TTC39B: variants seen among roughly 807,000 people sequenced by gnomAD.
The protein encoded by TTC39B is tetratricopeptide repeat protein 39B.
A neutral mutation model predicts 96.6 loss-of-function variants in TTC39B; 92 were observed. The ratio of observed to expected loss-of-function variants is 0.95; its 90% CI spans 0.80 to 1.13. The LOEUF (loss-of-function observed/expected upper bound fraction) is 1.13. TTC39B is among the 50% of genes most tolerant of loss of function. The probability of loss-of-function intolerance (pLI) is 0.00; values close to 1 mark genes in which losing one functional copy is unlikely to be tolerated. For missense variants in TTC39B, 955 were observed against 809.3 expected (o/e 1.18, Z -2.18); for synonymous variants, 367 against 299.4 (o/e 1.23, Z -2.33).
chr9:15,202,064 C>T (rs1203120802), intron 7 of TTC39B, among the ~76,000 whole-genome samples: 1 of 152,144 alleles, frequency 6.6e-6, no homozygotes, highest in Admixed American at 6.5e-5. Context: ...CGGAGCTGCA[C>T]AATCTTTAAA....
intron 7 of TTC39B, among the ~76,000 whole-genome samples, chr9:15,202,086 G>A (rs1447776920): frequency 3.3e-5 from 5 of 152,210 alleles, no homozygotes; most frequent in African/African-American, 7.2e-5. Context: ...GGCTAAAGCA[G>A]CATGAATATA....
chr9:15,231,372 T>A (rs1441318488), intron 2 of TTC39B, among the ~76,000 whole-genome samples: 2 of 152,202 alleles, frequency 1.3e-5, no homozygotes, highest in Non-Finnish European at 2.9e-5. Context: ...CTTAACAGCT[T>A]GGCCAATACT....
chr9:15,252,167 A>T (rs942062282), intron 2 of TTC39B, among the ~76,000 whole-genome samples: 1 of 152,178 alleles, frequency 6.6e-6, no homozygotes, highest in Non-Finnish European at 1.5e-5. Context: ...AGTAAAGTAC[A>T]TTTCACACCT....
chr9:15,238,756 C>T (rs193035720), intron 2 of TTC39B, among the ~76,000 whole-genome samples: 38 of 152,188 alleles, frequency 2.5e-4, no homozygotes, highest in Middle Eastern at 3.4e-3. Flanking sequence ...GAGGCTGAGA[C>T]GGGCTGATCA....
chr9:15,167,001 TATATATATATATATATATATA>T (rs1319655519), exon 20 of TTC39B: 1,041 of 10,672 alleles, frequency 0.098, 138 homozygotes, highest in South Asian at 0.13. Flanking sequence ...TATATATATA[TATATATATATATATATATATA>T]TATATATTTT....
intron 1 of TTC39B, among the ~76,000 whole-genome samples, chr9:15,302,429 A>G (rs1043603137): frequency 6.7e-6 from 1 of 149,000 alleles, no homozygotes; most frequent in Non-Finnish European, 1.5e-5. Context: ...AGCCTGGCCA[A>G]TATGGTGAAA....
At chr9:15,256,498 A>C (rs1443458657) in intron 2 of TTC39B, among the ~76,000 whole-genome samples, 2 of 152,236 alleles carry the variant, frequency 1.3e-5, no homozygotes, top group Non-Finnish European at 2.9e-5. Flanking sequence ...TGCCAAGTAC[A>C]CCATGACAAG....
intron 2 of TTC39B, among the ~76,000 whole-genome samples, chr9:15,226,224 A>G (rs532366398): frequency 6.6e-6 from 1 of 152,338 alleles, no homozygotes; most frequent in South Asian, 2.1e-4. Context: ...TTTTCATTCT[A>G]GTACACAAAA....
intron 3 of TTC39B, among the ~76,000 whole-genome samples, chr9:15,221,047 G>C (rs867914436): frequency 2.0e-5 from 3 of 152,176 alleles, no homozygotes; most frequent in Non-Finnish European, 2.9e-5. Context: ...GGTGATGACC[G>C]CATAGCTAGG....
chr9:15,203,900 A>G lies in TTC39B; in HGVS notation c.692-10T>C. 6.2e-7 allele frequency: 1 copy of G among 1,610,586 alleles called. No homozygotes were observed. Among genetic ancestry groups the G allele is most frequent in the Non-Finnish European group, 8.5e-7 (1 of 1,178,192 alleles). On this transcript the variant is annotated splice_polypyrimidine_tract_variant and intron_variant, in intron 6 of 19. Transcript: ENST00000512701. ...TCAGCATGCATTTCCTCTACAAAAA[A>G]CAAATAAAATTATATTAAGTAAAAT...
At chr9:15,184,738 G>A (rs1447808238) in intron 16 of TTC39B, among the ~76,000 whole-genome samples, 3 of 152,186 alleles carry the variant, frequency 2.0e-5, no homozygotes, top group Non-Finnish European at 2.9e-5. Context: ...TCCTCTAAGT[G>A]TAAAAGACAC....
At chr9:15,231,858 T>C (rs995765912) in intron 2 of TTC39B, among the ~76,000 whole-genome samples, 2 of 152,058 alleles carry the variant, frequency 1.3e-5, no homozygotes, top group Admixed American at 1.3e-4. Flanking sequence ...TGAGTGTAGA[T>C]AGGCCAACTG....
chr9:15,208,466 A>G (rs934561475), intron 6 of TTC39B, among the ~76,000 whole-genome samples: 9 of 152,312 alleles, frequency 5.9e-5, no homozygotes, highest in Admixed American at 2.0e-4. Flanking sequence ...GGGAAACCAT[A>G]GAGAGAGTAA....
intron 2 of TTC39B, among the ~76,000 whole-genome samples, chr9:15,244,247 C>A (rs1822173845): frequency 6.6e-6 from 1 of 152,210 alleles, no homozygotes; most frequent in Non-Finnish European, 1.5e-5. Context: ...TCTCTTATTT[C>A]TGACTGAAAA....
chr9:15,235,099 C>A (rs1308429871), intron 2 of TTC39B, among the ~76,000 whole-genome samples: 1 of 151,774 alleles, frequency 6.6e-6, no homozygotes, highest in African/African-American at 2.4e-5. Flanking sequence ...ATGAAAAATT[C>A]ACTTAAGAAA....
At chr9:15,202,438 G>A (rs1276659087) in intron 7 of TTC39B, among the ~76,000 whole-genome samples, 2 of 152,128 alleles carry the variant, frequency 1.3e-5, no homozygotes, top group African/African-American at 4.8e-5. Flanking sequence ...GTGGCTGGGC[G>A]CAGTGGCTCA....
At chr9:15,237,327 A>G (rs1821829351) in intron 2 of TTC39B, among the ~76,000 whole-genome samples, 1 of 152,318 alleles carries the variant, frequency 6.6e-6, no homozygotes, top group South Asian at 2.1e-4. Flanking sequence ...AAAAGAAAAG[A>G]ATAAATGAAC....
chr9:15,300,640 C>T (rs1824550194), intron 1 of TTC39B, among the ~76,000 whole-genome samples: 1 of 152,184 alleles, frequency 6.6e-6, no homozygotes, highest in Admixed American at 6.5e-5. Context: ...AATCCCAGCA[C>T]TTTGGGAGGC....
At chr9:15,211,617 G>C (rs1820206700) in intron 4 of TTC39B, among the ~76,000 whole-genome samples, 1 of 152,176 alleles carries the variant, frequency 6.6e-6, no homozygotes, top group Non-Finnish European at 1.5e-5. Flanking sequence ...CCAGGTTGAA[G>C]GGGACAATAT....
Sources: allele counts gnomAD v4.1 joint callset (sites outside exome capture counted in the v4.1 genomes callset), GRCh38; gene constraint gnomAD v4.1.1; transcripts MANE v1.5; gene names NCBI Gene and HGNC (gene_info 2026-07-23, HGNC 2026-07-21).